Variants in ACO2 observed in about 807,000 individuals in gnomAD.
ACO2 encodes the protein aconitate hydratase, mitochondrial.
A neutral mutation model predicts 84.5 loss-of-function variants in ACO2; 31 were observed. The observed-to-expected ratio is 0.37, with a 90% CI of 0.28 to 0.50. The LOEUF (loss-of-function observed/expected upper bound fraction) is 0.50, where lower values mean the gene tolerates loss of function less well. Among genes scored for constraint, ACO2 ranks in the 20% least tolerant of loss-of-function variants. The pLI is 0.97. For synonymous variants in ACO2, 414 were observed against 412.7 expected, an observed-to-expected ratio of 1.00 and a Z score of -0.04; for missense variants, 685 against 1,029.3, an observed-to-expected ratio of 0.67 and a Z score of 4.58.
rs762302484 is a variant in ACO2 at position 41,527,959 on chromosome 22, C to G, written c.2145C>G (p.Tyr715Ter). 6.2e-7 allele frequency: 1 copy of G among 1,614,204 alleles called. No homozygotes were observed. The highest frequency in any genetic ancestry group is 8.5e-7 in the Non-Finnish European group (1 of 1,180,018). ...LPLTFADPAD[Y>*]NKIHPVDKLT... ...TGACCTTCGCTGACCCGGCTGACTA[C>G]AACAAGATTCACCCTGTGGACAAGC... The change falls in exon 17 of 18, where the codon TAC becomes TAG. Residue 715 changes from tyrosine to a stop codon, truncating the protein, a stop_gained. Transcript: ENST00000216254. LOFTEE classifies it high-confidence loss of function.
At chr22:41,506,412 C>T (rs1020078375) in intron 2 of ACO2, among the ~76,000 whole-genome samples, 1 of 152,168 alleles carries the variant, frequency 6.6e-6, no homozygotes, top group African/African-American at 2.4e-5. Context: ...GCCACCACGC[C>T]TGGCTAATTT....
chr22:41,514,893 T>C (rs1286547250), intron 4 of ACO2, among the ~76,000 whole-genome samples: 1 of 152,240 alleles, frequency 6.6e-6, no homozygotes, highest in Non-Finnish European at 1.5e-5. Context: ...CATAGCTTTG[T>C]GTACCCACTG....
At chr22:41,506,787 C>G (rs529047184) in intron 2 of ACO2, among the ~76,000 whole-genome samples, 5 of 152,200 alleles carry the variant, frequency 3.3e-5, no homozygotes, top group African/African-American at 1.2e-4. Flanking sequence ...GAACTCTGCT[C>G]CTCCTTAGGA....
chr22:41,517,754 C>T (rs536205838), intron 7 of ACO2, 123 bp downstream of exon 7: 33 of 822,666 alleles, frequency 4.0e-5, no homozygotes, highest in Non-Finnish European at 5.6e-5. Context: ...GACAGGCGTC[C>T]GAGGCTCTGA....
At chr22:41,488,082 C>T (rs1018800742) in intron 1 of ACO2, among the ~76,000 whole-genome samples, 8 of 152,114 alleles carry the variant, frequency 5.3e-5, no homozygotes, top group African/African-American at 1.7e-4. Context: ...TTTCTGTGGC[C>T]TCACTGAATC....
At position 41,520,956 on chromosome 22, in the gene ACO2, C is replaced by T. The variant is rs545710755; in HGVS notation, c.1138+680C>T. ...CCTGGAGGTCAAGGCTACAGTGAGC[C>T]GAGATGGTACCACTGCATTCCAGCC... On this transcript the variant is annotated intron_variant, in intron 9 of 17. Coordinates refer to ENST00000216254, the MANE Select transcript of ACO2 (RefSeq NM_001098.3). 2.6e-4 allele frequency among the ~76,000 whole-genome samples: 37 copies of T among 142,276 alleles called. No homozygotes were observed. The East Asian group carries it at 5.2e-3, about 20-fold the overall frequency. 93.3% of individuals were successfully genotyped at this position (142,276 alleles called of 152,430 possible).
intron 1 of ACO2, among the ~76,000 whole-genome samples, chr22:41,477,093 C>T (rs1246574687): frequency 2.0e-5 from 3 of 149,478 alleles, no homozygotes; most frequent in Admixed American, 2.0e-4. Context: ...GCCTCAGCCT[C>T]CCAAGTAAAT....
At chr22:41,525,027 AC>A in intron 13 of ACO2, 59 bp downstream of exon 13, 4 of 1,612,686 alleles carry the variant, frequency 2.5e-6, no homozygotes, top group Non-Finnish European at 3.4e-6. Context: ...TTCCTTCTCA[AC>A]CTCACAGCAC....
intron 1 of ACO2, among the ~76,000 whole-genome samples, chr22:41,487,126 C>G (rs1386728639): frequency 2.0e-5 from 3 of 152,176 alleles, no homozygotes; most frequent in African/African-American, 7.2e-5. Context: ...TCAGGTGATT[C>G]ACCCACCTCA....
Position 41,528,705 on chromosome 22 carries a change from C to G in ACO2, c.*92C>G. ...ATCCGTCCAGCCATGGCTTCCTATTCCAAGATGGTGTGACCAGACATGCTT... is the reference window on the plus strand; with the variant it reads ...ATCCGTCCAGCCATGGCTTCCTATTGCAAGATGGTGTGACCAGACATGCTT... On this transcript the variant is annotated 3_prime_UTR_variant, in exon 18 of 18. Transcript: ENST00000216254. The G allele has an allele frequency of 6.6e-7, 1 of 1,513,414 alleles. No individual in the cohort carries two copies. 93.7% of individuals were successfully genotyped at this position (1,513,414 alleles called of 1,614,324 possible). A position where few individuals can be genotyped will look rare whatever the true frequency, so the allele number is the denominator to read the frequency against.
chr22:41,521,169 C>G (rs1201286547), intron 9 of ACO2: 4 of 152,146 alleles, frequency 2.6e-5, no homozygotes, highest in Non-Finnish European at 5.9e-5. Context: ...AACCCCCAGC[C>G]AGGAGCAAGC....
chr22:41,501,417 C>T (rs2066352992), intron 2 of ACO2, among the ~76,000 whole-genome samples: 1 of 152,140 alleles, frequency 6.6e-6, no homozygotes, highest in Non-Finnish European at 1.5e-5. Flanking sequence ...GATGCTGCCA[C>T]CAAAAGGATG....
intron 3 of ACO2, among the ~76,000 whole-genome samples, chr22:41,508,621 T>C (rs2066411758): frequency 6.6e-6 from 1 of 152,224 alleles, no homozygotes; most frequent in African/African-American, 2.4e-5. Context: ...GGGCCATTCT[T>C]CTGTGAGTTT....
chr22:41,521,865 C>T (rs941791033), intron 9 of ACO2, among the ~76,000 whole-genome samples: 1 of 151,820 alleles, frequency 6.6e-6, no homozygotes, highest in Non-Finnish European at 1.5e-5. Flanking sequence ...GCCTCCGCCT[C>T]CCAGGTTCAA....
chr22:41,492,065 A>G (rs1413757980), intron 1 of ACO2, among the ~76,000 whole-genome samples: 9 of 152,154 alleles, frequency 5.9e-5, no homozygotes, highest in Admixed American at 4.6e-4. Context: ...ATTCTGACTT[A>G]CCTCCCTGAT....
chr22:41,499,463 T>C (rs187961981), intron 1 of ACO2, among the ~76,000 whole-genome samples: 7 of 152,348 alleles, frequency 4.6e-5, no homozygotes, highest in East Asian at 3.9e-4. Context: ...TTTTCTTACA[T>C]TGATACACCT....
At chr22:41,473,752 G>T (rs992773921) in intron 1 of ACO2, among the ~76,000 whole-genome samples, 4 of 152,170 alleles carry the variant, frequency 2.6e-5, no homozygotes, top group African/African-American at 9.7e-5. Context: ...TCTGAACTGG[G>T]ACTTAAATGA....
chr22:41,494,713 A>G (rs772154847), intron 1 of ACO2, among the ~76,000 whole-genome samples: 2 of 150,548 alleles, frequency 1.3e-5, no homozygotes, highest in East Asian at 2.0e-4. Context: ...GCCAGGCTGT[A>G]TTCTGTATCA....
chr22:41,521,418 A>C (rs2066525636), intron 9 of ACO2: 1 of 152,246 alleles, frequency 6.6e-6, no homozygotes, highest in South Asian at 2.1e-4. Flanking sequence ...CCTAACAGCC[A>C]CTAACAGCTG....
Sources: allele counts gnomAD v4.1 joint callset (sites outside exome capture counted in the v4.1 genomes callset), GRCh38; gene constraint gnomAD v4.1.1; transcripts MANE v1.5; gene names NCBI Gene and HGNC (gene_info 2026-07-23, HGNC 2026-07-21).